The following CNTN4 variants were observed in gnomAD, a reference collection of about 807,000 sequenced individuals.
CNTN4 encodes the protein contactin-4.
A neutral mutation model predicts 122.5 loss-of-function variants in CNTN4; 77 were observed. The ratio of observed to expected loss-of-function variants is 0.63; its 90% CI spans 0.52 to 0.76. The LOEUF (loss-of-function observed/expected upper bound fraction) is 0.76. Ranked by LOEUF, CNTN4 falls within the 30% of genes least tolerant of loss-of-function variation. The pLI, the probability that CNTN4 is intolerant of heterozygous loss-of-function variation, is 0.00. For missense variants in CNTN4, 1,256 were observed against 1,259.1 expected (o/e 1.00, Z 0.04); for synonymous variants, 512 against 447.0 (o/e 1.15, Z -1.83).
chr3:2,647,601 C>A (rs966978442), intron 4 of CNTN4, among the ~76,000 whole-genome samples: 1 of 152,006 alleles, frequency 6.6e-6, no homozygotes, highest in East Asian at 1.9e-4. Flanking sequence ...AGGCTTACAC[C>A]TCATATTTGT....
intron 14 of CNTN4, among the ~76,000 whole-genome samples, chr3:3,015,687 C>T (rs1697689956): frequency 6.6e-6 from 1 of 152,124 alleles, no homozygotes. Context: ...ATCTACTGTC[C>T]AGAATATTAA....
intron 2 of CNTN4, among the ~76,000 whole-genome samples, chr3:2,297,035 A>G (rs1319210677): frequency 6.6e-6 from 1 of 152,158 alleles, no homozygotes; most frequent in Non-Finnish European, 1.5e-5. Context: ...CATAGGCATT[A>G]TTTTCAATTT....
intron 13 of CNTN4, among the ~76,000 whole-genome samples, chr3:2,948,422 G>C (rs1389775011): frequency 6.6e-6 from 1 of 152,196 alleles, no homozygotes; most frequent in East Asian, 1.9e-4. Context: ...CTTGGGTGTT[G>C]TGACTGAGAG....
chr3:2,594,292 A>C (rs568858090), intron 4 of CNTN4, among the ~76,000 whole-genome samples: 1 of 152,318 alleles, frequency 6.6e-6, no homozygotes, highest in South Asian at 2.1e-4. Context: ...TCTATACACA[A>C]AGTACATATT....
At chr3:2,408,571 G>C (rs2047118476) in intron 3 of CNTN4, among the ~76,000 whole-genome samples, 1 of 152,040 alleles carries the variant, frequency 6.6e-6, no homozygotes, top group Non-Finnish European at 1.5e-5. Context: ...TATATTTTTG[G>C]GCATGTGATT....
chr3:2,563,903 G>GA (rs1467509516), intron 3 of CNTN4, among the ~76,000 whole-genome samples: 10 of 150,460 alleles, frequency 6.6e-5, no homozygotes, highest in Admixed American at 2.0e-4. Flanking sequence ...CAGTAACTCA[G>GA]AAAAAACAAG....
At chr3:2,400,424 T>TATATATAC (rs1553640906) in intron 3 of CNTN4, among the ~76,000 whole-genome samples, 1 of 68,006 alleles carries the variant, frequency 1.5e-5, no homozygotes, top group African/African-American at 4.9e-5. Context: ...TATATATATA[T>TATATATAC]ATACATATAT....
chr3:2,498,083 G>T (rs2076500312), intron 3 of CNTN4, among the ~76,000 whole-genome samples: 1 of 151,944 alleles, frequency 6.6e-6, no homozygotes, highest in Non-Finnish European at 1.5e-5. Context: ...TATAATATAT[G>T]GCCAATTCAT....
intron 7 of CNTN4, among the ~76,000 whole-genome samples, chr3:2,854,024 C>T (rs2093589591): frequency 6.6e-6 from 1 of 152,152 alleles, no homozygotes. Flanking sequence ...TTCATCTAGT[C>T]CTCTTCACTG....
At chr3:2,649,584 G>A (rs2083275859) in intron 4 of CNTN4, among the ~76,000 whole-genome samples, 1 of 152,132 alleles carries the variant, frequency 6.6e-6, no homozygotes, top group African/African-American at 2.4e-5. Context: ...AATATTACTT[G>A]TGTTTGACAA....
chr3:2,831,426 C>G (rs1010053074), intron 7 of CNTN4, among the ~76,000 whole-genome samples: 5 of 152,200 alleles, frequency 3.3e-5, no homozygotes, highest in African/African-American at 1.2e-4. Flanking sequence ...GAGAGACCAA[C>G]TCTGTCTGCA....
At chr3:2,227,750 C>A (rs2039340864) in intron 2 of CNTN4, among the ~76,000 whole-genome samples, 1 of 152,108 alleles carries the variant, frequency 6.6e-6, no homozygotes, top group Admixed American at 6.5e-5. Context: ...CTCTTCCTGG[C>A]AGATGCTTTT....
At chr3:3,029,223 G>T (rs1421392842) in intron 15 of CNTN4, among the ~76,000 whole-genome samples, 1 of 152,156 alleles carries the variant, frequency 6.6e-6, no homozygotes, top group Non-Finnish European at 1.5e-5. Flanking sequence ...TCCTGAATTA[G>T]ATTTAACATC....
At chr3:2,811,517 G>C (rs1364999490) in intron 6 of CNTN4, among the ~76,000 whole-genome samples, 2 of 151,082 alleles carry the variant, frequency 1.3e-5, no homozygotes, top group Non-Finnish European at 2.9e-5. Flanking sequence ...CTAGAGTGCA[G>C]TGGCCTGATC....
chr3:2,956,553 A>C (rs1202597157), intron 13 of CNTN4, among the ~76,000 whole-genome samples: 1 of 152,104 alleles, frequency 6.6e-6, no homozygotes, highest in African/African-American at 2.4e-5. Context: ...AATGATGGGA[A>C]TGTTACTTCT....
At chr3:2,914,857 A>G (rs1245737439) in intron 12 of CNTN4, among the ~76,000 whole-genome samples, 3 of 152,208 alleles carry the variant, frequency 2.0e-5, no homozygotes, top group Non-Finnish European at 2.9e-5. Flanking sequence ...CCTGATGAAC[A>G]TTGATCTAGA....
At chr3:2,714,223 A>G (rs1441324815) in intron 4 of CNTN4, among the ~76,000 whole-genome samples, 1 of 152,160 alleles carries the variant, frequency 6.6e-6, no homozygotes, top group Non-Finnish European at 1.5e-5. Context: ...TTATTAATAA[A>G]TATTATTCAG....
chr3:2,494,475 G>A (rs1420332094), intron 3 of CNTN4, among the ~76,000 whole-genome samples: 2 of 152,084 alleles, frequency 1.3e-5, no homozygotes, highest in Non-Finnish European at 2.9e-5. Context: ...TAAGATAAGG[G>A]GCCTTGTTGA....
chr3:2,330,622 T>C (rs2043679422), intron 2 of CNTN4, among the ~76,000 whole-genome samples: 1 of 149,178 alleles, frequency 6.7e-6, no homozygotes, highest in Non-Finnish European at 1.5e-5. Context: ...GAGGCATTTA[T>C]AAGACACAGA....
Sources: gnomAD v4.1 joint callset for allele counts (sites outside exome capture counted in the v4.1 genomes callset) on GRCh38, gnomAD v4.1.1 for gene constraint, MANE v1.5 for transcripts, NCBI Gene and HGNC (gene_info 2026-07-23, HGNC 2026-07-21) for gene names.